The following ATP10B variants were observed in gnomAD, a reference collection of about 807,000 sequenced individuals.
ATP10B encodes the protein ATPase phospholipid transporting 10B (putative).
A neutral mutation model predicts 141.2 loss-of-function variants in ATP10B; 122 were observed. The ratio of observed to expected loss-of-function variants is 0.86; its 90% CI spans 0.75 to 1.00. The LOEUF (loss-of-function observed/expected upper bound fraction) is 1.00, where lower values mean the gene tolerates loss of function less well. Ranked by LOEUF, ATP10B falls within the 50% of genes least tolerant of loss-of-function variation. The probability of loss-of-function intolerance (pLI) is 0.00; values close to 1 mark genes in which losing one functional copy is unlikely to be tolerated. For missense variants in ATP10B, 1,876 were observed against 1,825.3 expected (o/e 1.03, Z -0.51); for synonymous variants, 685 against 692.0 (o/e 0.99, Z 0.16).
chr5:160,600,965 G>A (rs901273836), intron 21 of ATP10B, among the ~76,000 whole-genome samples: 6 of 151,946 alleles, frequency 3.9e-5, no homozygotes, highest in African/African-American at 1.4e-4. Flanking sequence ...CTTTGAAAGC[G>A]TGGCTGCTTG....
intron 21 of ATP10B, among the ~76,000 whole-genome samples, chr5:160,602,292 G>T (rs1446223974): frequency 6.6e-6 from 1 of 152,090 alleles, no homozygotes; most frequent in Non-Finnish European, 1.5e-5. Context: ...TAAACCCAAC[G>T]TGTCTGACTC....
At chr5:160,834,094 G>T (rs921827221) in intron 1 of ATP10B, among the ~76,000 whole-genome samples, 1 of 152,074 alleles carries the variant, frequency 6.6e-6, no homozygotes, top group Non-Finnish European at 1.5e-5. Flanking sequence ...GGAGGCTGAG[G>T]TGGGTGGATC....
chr5:160,586,882 AG>A (rs1755943737), intron 24 of ATP10B, among the ~76,000 whole-genome samples: 1 of 152,204 alleles, frequency 6.6e-6, no homozygotes, highest in Non-Finnish European at 1.5e-5. Flanking sequence ...TCAGATGGTT[AG>A]ATTACAAAAA....
At chr5:160,866,415 TATC>T in the ATP10B span, among the ~76,000 whole-genome samples, 8 of 152,218 alleles carry the variant, frequency 5.3e-5, no homozygotes, top group African/African-American at 1.9e-4. Flanking sequence ...GGCTCATGCT[TATC>T]ATCACAGTAT....
chr5:160,783,562 TACACAC>T (rs57796332), intron 2 of ATP10B, among the ~76,000 whole-genome samples: 24,700 of 131,118 alleles, frequency 0.19, 2,326 homozygotes, highest in Middle Eastern at 0.2. Flanking sequence ...ATATATATGA[TACACAC>T]ACACACACAC....
At chr5:160,739,651 C>T (rs1767337254) in intron 2 of ATP10B, among the ~76,000 whole-genome samples, 1 of 152,190 alleles carries the variant, frequency 6.6e-6, no homozygotes, top group Non-Finnish European at 1.5e-5. Context: ...CTCACAGAGA[C>T]CGTGCCCTGG....
chr5:160,722,830 C>T (rs1379547940), intron 2 of ATP10B, among the ~76,000 whole-genome samples: 1 of 152,144 alleles, frequency 6.6e-6, no homozygotes, highest in Non-Finnish European at 1.5e-5. Context: ...GGAAAGCCAG[C>T]CCAGAGATGA....
the ATP10B span, among the ~76,000 whole-genome samples, chr5:160,921,490 G>A: frequency 1.3e-5 from 2 of 152,212 alleles, no homozygotes; most frequent in African/African-American, 4.8e-5. Flanking sequence ...CTGAAACTTT[G>A]CACTCAATAA....
At chr5:160,694,715 A>G (rs1764267365) in intron 3 of ATP10B, among the ~76,000 whole-genome samples, 1 of 152,218 alleles carries the variant, frequency 6.6e-6, no homozygotes, top group Non-Finnish European at 1.5e-5. Context: ...CTAGTCATTC[A>G]TTCAATCAAC....
chr5:160,889,300 T>C, the ATP10B span, among the ~76,000 whole-genome samples: 1 of 152,162 alleles, frequency 6.6e-6, no homozygotes, highest in Non-Finnish European at 1.5e-5. Flanking sequence ...ATCGGGTGGC[T>C]AGAGTGCCCA....
intron 24 of ATP10B, among the ~76,000 whole-genome samples, chr5:160,587,821 G>A (rs1399676267): frequency 1.3e-5 from 2 of 152,166 alleles, no homozygotes; most frequent in Non-Finnish European, 2.9e-5. Context: ...AGCTTAAGGA[G>A]TTTTTGGGCT....
chr5:160,877,871 T>G, the ATP10B span, among the ~76,000 whole-genome samples: 1 of 145,850 alleles, frequency 6.9e-6, no homozygotes, highest in Non-Finnish European at 1.5e-5. Context: ...CACAGCTCAA[T>G]GAAATAAAAG....
intron 6 of ATP10B, among the ~76,000 whole-genome samples, chr5:160,675,394 T>C (rs1282925254): frequency 1.3e-5 from 2 of 152,120 alleles, no homozygotes; most frequent in African/African-American, 4.8e-5. Flanking sequence ...TGAGAGGAGA[T>C]AGGGATTATT....
chr5:160,640,120 A>C (rs57148596), intron 10 of ATP10B, among the ~76,000 whole-genome samples: 2 of 152,372 alleles, frequency 1.3e-5, no homozygotes, highest in East Asian at 3.9e-4. Context: ...GTAACAGAAT[A>C]AATTTGTGTT....
chr5:160,568,041 C>A (rs746807963), intron 25 of ATP10B, among the ~76,000 whole-genome samples: 47 of 152,204 alleles, frequency 3.1e-4, no homozygotes, highest in African/African-American at 1.1e-3. Flanking sequence ...TTCCCTGGGG[C>A]CTGCCTTTGT....
At chr5:160,627,299 T>C (rs539245129) in intron 13 of ATP10B, among the ~76,000 whole-genome samples, 3 of 152,312 alleles carry the variant, frequency 2.0e-5, no homozygotes, top group South Asian at 2.1e-4. Flanking sequence ...CATTGTCCCA[T>C]AGTCACTGGT....
chr5:160,728,392 C>G (rs1223907267), intron 2 of ATP10B, among the ~76,000 whole-genome samples: 2 of 152,144 alleles, frequency 1.3e-5, no homozygotes, highest in East Asian at 3.9e-4. Flanking sequence ...TTTCAATTAT[C>G]TAACTATACG....
chr5:160,915,649 A>C, the ATP10B span, among the ~76,000 whole-genome samples: 1 of 152,020 alleles, frequency 6.6e-6, no homozygotes, highest in Non-Finnish European at 1.5e-5. Flanking sequence ...CTTATTTTCT[A>C]GTACCATCAC....
intron 19 of ATP10B, among the ~76,000 whole-genome samples, chr5:160,604,439 C>T (rs571263143): frequency 9.9e-4 from 150 of 152,194 alleles, no homozygotes; most frequent in African/African-American, 3.5e-3. Context: ...AGAGAAAGGA[C>T]CCAGGAGAAA....
Sources: gnomAD v4.1 joint callset for allele counts (sites outside exome capture counted in the v4.1 genomes callset) on GRCh38, gnomAD v4.1.1 for gene constraint, MANE v1.5 for transcripts, NCBI Gene and HGNC (gene_info 2026-07-23, HGNC 2026-07-21) for gene names.